SLC22A23: variants seen among roughly 807,000 people sequenced by gnomAD.
SLC22A23 encodes ion transporter protein.
SLC22A23 carries 26 observed loss-of-function variants against 61.0 expected under a neutral mutation model. The observed-to-expected ratio is 0.43, with a 90% CI of 0.31 to 0.59. The LOEUF (loss-of-function observed/expected upper bound fraction) is 0.59. Ranked by LOEUF, SLC22A23 falls within the 20% of genes least tolerant of loss-of-function variation. The pLI, the probability that SLC22A23 is intolerant of heterozygous loss-of-function variation, is 0.11. For missense variants in SLC22A23, 796 were observed against 934.7 expected (o/e 0.85, Z 1.94); for synonymous variants, 430 against 413.9 (o/e 1.04, Z -0.47).
At chr6:3,392,558 G>A (rs1371861651) in intron 3 of SLC22A23, among the ~76,000 whole-genome samples, 2 of 152,220 alleles carry the variant, frequency 1.3e-5, no homozygotes, top group African/African-American at 4.8e-5. Flanking sequence ...ATTGTGCTTA[G>A]TTTTCCAGGC....
chr6:3,435,349 A>C (rs1771136164), intron 1 of SLC22A23, among the ~76,000 whole-genome samples: 1 of 145,628 alleles, frequency 6.9e-6, no homozygotes, highest in African/African-American at 2.6e-5. Flanking sequence ...CTCTTCCACC[A>C]TCCCTGCTCC....
intron 3 of SLC22A23, among the ~76,000 whole-genome samples, chr6:3,335,933 C>CA (rs1468952909): frequency 6.6e-6 from 1 of 152,006 alleles, no homozygotes; most frequent in East Asian, 1.9e-4. Context: ...ACTAAAAATA[C>CA]AAAAAATTAG....
intron 1 of SLC22A23, among the ~76,000 whole-genome samples, chr6:3,439,916 G>A (rs551717405): frequency 2.3e-4 from 35 of 152,272 alleles, no homozygotes; most frequent in African/African-American, 7.9e-4. Flanking sequence ...AAATCGGTGG[G>A]TGGAGCTCTG....
In SLC22A23 at chr6:3,304,258, T is replaced by C. The variant is rs1761815782; in HGVS notation, c.1083-6040A>G. ...CTCTGAGACTCTGCCTGCTCCTCAG[T>C]GATCACTCCCTCATCTTTGTCATCC... On this transcript the variant is annotated intron_variant, in intron 4 of 9. Transcript: ENST00000406686. The surrounding 1 kb of genome is among the most constrained non-coding windows in gnomAD (Gnocchi z 4.3). Among the ~76,000 whole-genome samples, 1 of 152,168 alleles carries C rather than the reference T, an allele frequency of 6.6e-6. No homozygotes were observed. Among genetic ancestry groups the C allele is most frequent in the Non-Finnish European group, 1.5e-5 (1 of 68,026 alleles).
intron 3 of SLC22A23, among the ~76,000 whole-genome samples, chr6:3,347,045 CACA>C (rs747142790): frequency 6.6e-6 from 1 of 152,228 alleles, no homozygotes; most frequent in East Asian, 1.9e-4. Flanking sequence ...CCCAATCTTT[CACA>C]ACGTTTTTTT....
chr6:3,282,341 G>A, intron 9 of SLC22A23: 1 of 702,166 alleles, frequency 1.4e-6, no homozygotes, highest in African/African-American at 1.7e-5. Context: ...GTAGGGACAG[G>A]ATGAGTTCCT....
chr6:3,381,686 T>G (rs1230164234), intron 3 of SLC22A23, among the ~76,000 whole-genome samples: 1 of 152,156 alleles, frequency 6.6e-6, no homozygotes, highest in Non-Finnish European at 1.5e-5. Flanking sequence ...AGGGGGACAG[T>G]AGTGGAATTT....
At chr6:3,366,332 CAAAAAAAAA>C (rs11387672) in intron 3 of SLC22A23, among the ~76,000 whole-genome samples, 6 of 74,164 alleles carry the variant, frequency 8.1e-5, no homozygotes, top group Admixed American at 5.7e-4. Flanking sequence ...GACTCTGTCT[CAAAAAAAAA>C]AAAAAAAAAA....
chr6:3,393,378 T>C (rs1767792374), intron 3 of SLC22A23, among the ~76,000 whole-genome samples: 1 of 152,230 alleles, frequency 6.6e-6, no homozygotes, highest in South Asian at 2.1e-4. Context: ...GTTACTTATG[T>C]GAATTAAAAT....
At chr6:3,369,630 G>T (rs1217941764) in intron 3 of SLC22A23, among the ~76,000 whole-genome samples, 2 of 151,324 alleles carry the variant, frequency 1.3e-5, no homozygotes, top group Non-Finnish European at 2.9e-5. Context: ...GGTGGAGGTT[G>T]CAGTGAGCCA....
At position 3,308,973 on chromosome 6, in the gene SLC22A23, C is replaced by A. The variant is rs564899898; in HGVS notation, c.1083-10755G>T. 6.6e-6 allele frequency among the ~76,000 whole-genome samples: 1 copy of A among 151,040 alleles called. No individual in the cohort carries two copies. Among genetic ancestry groups the A allele is most frequent in the East Asian group, 2.0e-4 (1 of 5,054 alleles). ...ACAAACAAACAAACCAACCAAAAAACCCCAACAACCCACAGTGTGGATCGG... is the reference window on the plus strand; with the variant it reads ...ACAAACAAACAAACCAACCAAAAAAACCCAACAACCCACAGTGTGGATCGG... On this transcript the variant is annotated intron_variant, in intron 4 of 9. Coordinates refer to ENST00000406686, the MANE Select transcript of SLC22A23 (RefSeq NM_015482.2). The surrounding 1 kb of genome is among the most constrained non-coding windows in gnomAD (Gnocchi z 5.1).
chr6:3,446,008 A>G (rs1399476244), intron 1 of SLC22A23, among the ~76,000 whole-genome samples: 1 of 152,196 alleles, frequency 6.6e-6, no homozygotes, highest in Admixed American at 6.5e-5. Context: ...GGGCCTGGCT[A>G]GCCGGGACTA....
At chr6:3,314,746 C>T (rs9405630) in intron 4 of SLC22A23, among the ~76,000 whole-genome samples, 48,383 of 151,800 alleles carry the variant, frequency 0.32, 8,525 homozygotes, top group East Asian at 0.59. Flanking sequence ...AAATAAAACT[C>T]CTTGTAGCAT....
rs1213257618 is a variant in SLC22A23 at position 3,333,052 on chromosome 6, G to A, written c.914-9050C>T. On this transcript the variant is annotated intron_variant, in intron 3 of 9. Coordinates refer to ENST00000406686, the MANE Select transcript of SLC22A23 (RefSeq NM_015482.2). This position sits in a 1 kb window ranked among gnomAD's most constrained non-coding sequence, Gnocchi z 4.1. ...TGCGTCACGGTGCTGCCCCGCAGGA[G>A]GTCACCTACTGGGAATGACGCTACC... 6.6e-6 allele frequency among the ~76,000 whole-genome samples: 1 copy of A among 152,148 alleles called. No homozygotes were observed. Among genetic ancestry groups the A allele is most frequent in the Non-Finnish European group, 1.5e-5 (1 of 68,026 alleles).
chr6:3,285,183 T>G (rs527608115), intron 7 of SLC22A23, 72 bp from the exon 8 acceptor site: 2 of 1,592,168 alleles, frequency 1.3e-6, no homozygotes, highest in African/African-American at 1.3e-5. Flanking sequence ...GAGAGCACAT[T>G]AGGTGTGGAG....
Position 3,334,513 on chromosome 6 carries a change from T to TG in SLC22A23, c.914-10512dup, listed in dbSNP as rs1229544445. Among the ~76,000 whole-genome samples the TG allele has an allele frequency of 2.7e-5, 4 of 150,872 alleles. 1 individual carries two copies. Among genetic ancestry groups the TG allele is most frequent in the African/African-American group, 7.3e-5 (3 of 40,976 alleles). On this transcript the variant is annotated intron_variant, in intron 3 of 9. Transcript: ENST00000406686. ...GGCATGTGACTTTTTTTTTTTTCAA[T>TG]GAAAAAAAAGAGTTCTTCCAACACC... is the stretch of plus-strand genomic sequence containing the variant.
At chr6:3,403,846 G>T (rs1162147550) in intron 3 of SLC22A23, among the ~76,000 whole-genome samples, 1 of 152,160 alleles carries the variant, frequency 6.6e-6, no homozygotes, top group Non-Finnish European at 1.5e-5. Flanking sequence ...CCCAGGAAGC[G>T]ATCGCACAGC....
At chr6:3,361,972 A>C (rs1429653976) in intron 3 of SLC22A23, among the ~76,000 whole-genome samples, 1 of 152,208 alleles carries the variant, frequency 6.6e-6, no homozygotes. Flanking sequence ...CAGAGTGCAC[A>C]CAAGGACTGT....
rs1363461349 is a variant in SLC22A23, at chr6:3,297,771, T to C, written c.1210+320A>G. 6.6e-6 allele frequency among the ~76,000 whole-genome samples: 1 copy of C among 152,212 alleles called. No individual in the cohort carries two copies. On this transcript the variant is annotated intron_variant, in intron 5 of 9. Coordinates refer to ENST00000406686, the MANE Select transcript of SLC22A23 (RefSeq NM_015482.2). The surrounding 1 kb of genome is among the most constrained non-coding windows in gnomAD (Gnocchi z 4.3). ...CCTGAGCCAGCGCTCTGGCAGTGTT[T>C]AGACCTGGCAGGCAGGTAGGCTATG...
Sources: gnomAD v4.1 joint callset for allele counts (sites outside exome capture counted in the v4.1 genomes callset) on GRCh38, gnomAD v4.1.1 for gene constraint, Gnocchi (gnomAD v3.1) non-coding constraint, MANE v1.5 for transcripts, NCBI Gene and HGNC (gene_info 2026-07-23, HGNC 2026-07-21) for gene names.